DENND6A: variants seen among roughly 807,000 people sequenced by gnomAD.
DENND6A encodes the protein DENN domain containing 6A.
In DENND6A, 43 loss-of-function variants were observed where a neutral mutation model predicts 95.5. That is an observed-to-expected ratio of 0.45 (90% CI 0.35 to 0.58). The LOEUF (loss-of-function observed/expected upper bound fraction) is 0.58, where lower values mean the gene tolerates loss of function less well. DENND6A is among the 20% of genes least tolerant of loss of function. DENND6A has a pLI of 0.00. For synonymous variants in DENND6A, 257 were observed against 260.4 expected (o/e 0.99, Z 0.13); for missense variants, 574 against 736.0 (o/e 0.78, Z 2.55).
chr3:57,672,860 T>C (rs931216799), intron 1 of DENND6A, among the ~76,000 whole-genome samples: 11 of 152,044 alleles, frequency 7.2e-5, no homozygotes, highest in African/African-American at 2.4e-4. Context: ...CAAATCACTT[T>C]CAGAAATAGT....
chr3:57,633,982 C>A (rs376400837), intron 14 of DENND6A, among the ~76,000 whole-genome samples: 1 of 151,768 alleles, frequency 6.6e-6, no homozygotes, highest in African/African-American at 2.4e-5. Context: ...GGTAACAGTC[C>A]CCTACTGTTA....
intron 9 of DENND6A, chr3:57,654,849 T>A (rs1250830380): frequency 6.7e-6 from 6 of 895,728 alleles, no homozygotes; most frequent in Non-Finnish European, 8.0e-6. Context: ...ACCTTCAATA[T>A]AACTGGATAA....
At chr3:57,663,489 T>TAAAAA (rs1559822025) in intron 5 of DENND6A, 147 bp downstream of exon 5, 1 of 106,942 alleles carries the variant, frequency 9.4e-6, no homozygotes, top group Non-Finnish European at 1.9e-5. Flanking sequence ...AAAAAAAAAA[T>TAAAAA]ATATATATAC....
chr3:57,641,441 CTATAAG>C (rs960791717), intron 12 of DENND6A, among the ~76,000 whole-genome samples: 5 of 147,890 alleles, frequency 3.4e-5, no homozygotes, highest in South Asian at 2.1e-4. Context: ...TAATATAACA[CTATAAG>C]TATATTTTTT....
chr3:57,628,002 A>T lies in DENND6A; in HGVS notation c.*212T>A. 1 of 528,444 alleles carries T rather than the reference A, an allele frequency of 1.9e-6. No homozygotes were observed. The highest frequency in any genetic ancestry group is 3.1e-6 in the Non-Finnish European group (1 of 323,796). 32.7% of individuals were successfully genotyped at this position (528,444 alleles called of 1,614,324 possible). A position where few individuals can be genotyped will look rare whatever the true frequency, so the allele number is the denominator to read the frequency against. On this transcript the variant is annotated 3_prime_UTR_variant, in exon 20 of 20. Transcript: ENST00000311128. ...ATATAGAAATGCCTTTCGGTGTTTC[A>T]GTATTAAAGTGGAACCACCACAGAT... is the stretch of plus-strand genomic sequence containing the variant.
At position 57,641,684 on chromosome 3, in the gene DENND6A, G is replaced by C. The variant is rs1170356162; in HGVS notation, c.1101C>G (p.His367Gln). The C allele has an allele frequency of 6.2e-7, 1 of 1,612,880 alleles. No homozygotes were observed. The highest frequency in any genetic ancestry group is 2.2e-5 in the East Asian group (1 of 44,832). ...GTTTAAGGTCTCCTATTCGAATAAT[G>C]TGTGGCCAGTGCTGGAGTGTCTTAG... ...FFAKTLQHWP[H>Q]IIRIGDLKPT... The change falls in exon 12 of 20, where the codon CAC becomes CAG. Residue 367 changes from histidine (H) to glutamine (Q), a missense_variant. By Grantham distance (24) the His-to-Gln change is conservative. Transcript: ENST00000311128.
chr3:57,672,146 TG>T (rs1212412259), intron 3 of DENND6A, 109 bp downstream of exon 3: 3 of 1,034,720 alleles, frequency 2.9e-6, no homozygotes, highest in Non-Finnish European at 4.1e-6. Flanking sequence ...TAAAAATCAT[TG>T]ATCTGTTTGC....
intron 4 of DENND6A, 84 bp downstream of exon 4, chr3:57,666,039 T>C (rs2153415980): frequency 8.8e-7 from 1 of 1,142,824 alleles, no homozygotes; most frequent in Middle Eastern, 2.0e-4. Flanking sequence ...GCAAAATATT[T>C]CTGAATGGTG....
Position 57,666,145 on chromosome 3 carries a change from T to C in DENND6A, c.410A>G (p.Lys137Arg), listed in dbSNP as rs755110148. ...SLHCLLDQFD[K>R]DLPVYLKKDP... ...AACCTTTAAGTAAACTGGTAAATCT[T>C]TGTCAAATTGATCCAGGAGACAATG... is the stretch of plus-strand genomic sequence containing the variant. The change falls in exon 4 of 20, where the codon AAA (lysine) becomes AGA (arginine). Residue 137 changes from lysine (K) to arginine (R), a missense_variant. Physicochemically the swap from Lys to Arg is conservative, Grantham distance 26. Coordinates refer to ENST00000311128, the MANE Select transcript of DENND6A (RefSeq NM_152678.3). The C allele has an allele frequency of 6.1e-5, 98 of 1,613,684 alleles. No individual in the cohort carries two copies. In the Admixed American group the frequency reaches 1.6e-3, roughly 26 times the overall value.
intron 11 of DENND6A, among the ~76,000 whole-genome samples, chr3:57,642,781 A>G (rs2070976803): frequency 6.6e-6 from 1 of 152,072 alleles, no homozygotes; most frequent in African/African-American, 2.4e-5. Flanking sequence ...CGAGGTGGGC[A>G]GATCACCTGA....
chr3:57,668,140 A>G (rs2071555574), intron 3 of DENND6A, among the ~76,000 whole-genome samples: 1 of 152,114 alleles, frequency 6.6e-6, no homozygotes, highest in African/African-American at 2.4e-5. Flanking sequence ...CAATTCAATT[A>G]AATTGTTTTT....
intron 5 of DENND6A, 21 bp downstream of exon 5, chr3:57,663,615 A>G: frequency 6.6e-7 from 1 of 1,514,758 alleles, no homozygotes. Flanking sequence ...TACTTTTTTT[A>G]TTAGTGTGTA....
intron 1 of DENND6A, among the ~76,000 whole-genome samples, chr3:57,673,416 C>T (rs1268642531): frequency 1.3e-5 from 2 of 151,618 alleles, no homozygotes; most frequent in East Asian, 3.9e-4. Context: ...TTACCAGAGG[C>T]TGGGAAGAGT....
intron 15 of DENND6A, among the ~76,000 whole-genome samples, chr3:57,632,953 C>T (rs1424271983): frequency 6.6e-6 from 1 of 152,086 alleles, no homozygotes; most frequent in Non-Finnish European, 1.5e-5. Context: ...GTAGTAACTA[C>T]ATAACATTTC....
chr3:57,683,724 C>A (rs947945770), intron 1 of DENND6A, among the ~76,000 whole-genome samples: 1 of 152,164 alleles, frequency 6.6e-6, no homozygotes, highest in African/African-American at 2.4e-5. Flanking sequence ...CATTTCACAT[C>A]TTCTTTGCTT....
At chr3:57,638,239 T>C (rs544722522) in intron 12 of DENND6A, among the ~76,000 whole-genome samples, 6 of 151,076 alleles carry the variant, frequency 4.0e-5, no homozygotes, top group Non-Finnish European at 7.4e-5. Context: ...ATATATCTAA[T>C]AAGGATTACT....
At chr3:57,630,596 A>G (rs941602039) in intron 17 of DENND6A, 73 bp from the exon 18 acceptor site, 9 of 1,525,022 alleles carry the variant, frequency 5.9e-6, no homozygotes, top group Middle Eastern at 1.8e-4. Context: ...TTTCCTAGTC[A>G]GAGAACCATG....
chr3:57,628,698 C>A, intron 19 of DENND6A, 113 bp downstream of exon 19: 1 of 1,079,140 alleles, frequency 9.3e-7, no homozygotes, highest in Admixed American at 2.5e-5. Flanking sequence ...CAATTTCAAG[C>A]CCTCTCATTT....
At chr3:57,674,891 T>G (rs1331779485) in intron 1 of DENND6A, among the ~76,000 whole-genome samples, 1 of 152,210 alleles carries the variant, frequency 6.6e-6, no homozygotes, top group Non-Finnish European at 1.5e-5. Context: ...AAATACTGCA[T>G]ATTGTCTCTT....
Sources: allele counts gnomAD v4.1 joint callset (sites outside exome capture counted in the v4.1 genomes callset), GRCh38; gene constraint gnomAD v4.1.1; transcripts MANE v1.5; gene names NCBI Gene and HGNC (gene_info 2026-07-23, HGNC 2026-07-21).